The following TGFBR2 variants were observed in gnomAD, a reference collection of about 807,000 sequenced individuals.
TGFBR2 encodes the protein transforming growth factor beta receptor 2.
A neutral mutation model predicts 49.0 loss-of-function variants in TGFBR2; 18 were observed. That is an observed-to-expected ratio of 0.37 (90% CI 0.25 to 0.54). The LOEUF is 0.54. TGFBR2 is among the 20% of genes least tolerant of loss of function. The pLI is 0.85. For synonymous variants in TGFBR2, 282 were observed against 275.9 expected, an observed-to-expected ratio of 1.02 and a Z score of -0.22; for missense variants, 525 against 722.6, an observed-to-expected ratio of 0.73 and a Z score of 3.13.
chr3:30,661,101 C>G (rs956011978), intron 3 of TGFBR2, among the ~76,000 whole-genome samples: 1 of 152,174 alleles, frequency 6.6e-6, no homozygotes, highest in Admixed American at 6.5e-5. Flanking sequence ...TTTCAGGTTT[C>G]CTGAGAACAT....
At chr3:30,652,002 C>G (rs190180628) in intron 3 of TGFBR2, among the ~76,000 whole-genome samples, 2 of 152,178 alleles carry the variant, frequency 1.3e-5, no homozygotes, top group Non-Finnish European at 2.9e-5. Context: ...CCTCGTGTTT[C>G]GTGTTTGGTG....
chr3:30,641,013 T>A (rs1211877523), intron 1 of TGFBR2, among the ~76,000 whole-genome samples: 1 of 152,144 alleles, frequency 6.6e-6, no homozygotes, highest in Non-Finnish European at 1.5e-5. Context: ...TGGTTTGGAG[T>A]GCACAGATGC....
intron 5 of TGFBR2, among the ~76,000 whole-genome samples, chr3:30,685,284 G>A (rs927711463): frequency 2.0e-5 from 3 of 152,232 alleles, no homozygotes; most frequent in Non-Finnish European, 4.4e-5. Context: ...TCCTGGTTTA[G>A]TAATTTCACC....
intron 1 of TGFBR2, among the ~76,000 whole-genome samples, chr3:30,608,835 T>G (rs6770038): frequency 6.6e-6 from 1 of 152,050 alleles, no homozygotes; most frequent in Non-Finnish European, 1.5e-5. Context: ...CCTCCAGACT[T>G]TTAAAACCTA....
At chr3:30,646,194 G>A (rs1042365865) in intron 2 of TGFBR2, among the ~76,000 whole-genome samples, 45 of 152,272 alleles carry the variant, frequency 3.0e-4, no homozygotes, top group African/African-American at 1.1e-3. Flanking sequence ...TGATAGATCT[G>A]GAAACCTTGC....
chr3:30,671,634 T>C lies in TGFBR2; in HGVS notation c.455-4T>C, dbSNP rs11466512. 6 of 1,613,872 alleles carry C rather than the reference T, an allele frequency of 3.7e-6. No individual in the cohort carries two copies. Among genetic ancestry groups the C allele is most frequent in the Non-Finnish European group, 5.1e-6 (6 of 1,179,942 alleles). On this transcript the variant is annotated splice_region_variant and splice_polypyrimidine_tract_variant and intron_variant, in intron 3 of 6. Transcript: ENST00000295754. Reference sequence around the variant, plus strand: ...CTTCTCTCCTTGTTTTGTTTCCCCATCAGAATATAACACCAGCAATCCTGA... The same window carrying C: ...CTTCTCTCCTTGTTTTGTTTCCCCACCAGAATATAACACCAGCAATCCTGA...
At chr3:30,638,430 T>C (rs1307488533) in intron 1 of TGFBR2, among the ~76,000 whole-genome samples, 2 of 152,134 alleles carry the variant, frequency 1.3e-5, no homozygotes, top group Non-Finnish European at 2.9e-5. Context: ...CACGCCATAG[T>C]CTCCCTGTTA....
intron 6 of TGFBR2, among the ~76,000 whole-genome samples, chr3:30,689,373 C>T (rs973368555): frequency 6.6e-6 from 1 of 152,218 alleles, no homozygotes; most frequent in African/African-American, 2.4e-5. Context: ...CCCTATCTCA[C>T]TGAGAAGACT....
intron 5 of TGFBR2, among the ~76,000 whole-genome samples, chr3:30,685,971 T>A (rs1699613403): frequency 6.6e-6 from 1 of 152,200 alleles, no homozygotes; most frequent in South Asian, 2.1e-4. Context: ...AGTACATATA[T>A]CTCAAGGTAT....
intron 1 of TGFBR2, among the ~76,000 whole-genome samples, chr3:30,641,759 G>T (rs1370105644): frequency 6.6e-6 from 1 of 151,892 alleles, no homozygotes; most frequent in Non-Finnish European, 1.5e-5. Flanking sequence ...CAATGGAAAG[G>T]CTTTCTCTTG....
chr3:30,624,335 T>C (rs1449902083), intron 1 of TGFBR2, among the ~76,000 whole-genome samples: 3 of 152,140 alleles, frequency 2.0e-5, no homozygotes, highest in African/African-American at 7.2e-5. Flanking sequence ...ATCACTTTGA[T>C]GGCCAGGCAC....
chr3:30,663,283 A>G (rs900548516), intron 3 of TGFBR2, among the ~76,000 whole-genome samples: 2 of 77,178 alleles, frequency 2.6e-5, no homozygotes, highest in Non-Finnish European at 6.1e-5. Flanking sequence ...GATTTCTTCA[A>G]GGTTAATGGG....
chr3:30,684,216 A>G (rs1186613324), intron 5 of TGFBR2, among the ~76,000 whole-genome samples: 1 of 152,144 alleles, frequency 6.6e-6, no homozygotes, highest in African/African-American at 2.4e-5. Context: ...GCACATGTAT[A>G]CACACTGCCA....
chr3:30,649,816 C>G (rs1698845933), intron 2 of TGFBR2, among the ~76,000 whole-genome samples: 1 of 152,072 alleles, frequency 6.6e-6, no homozygotes, highest in South Asian at 2.1e-4. Context: ...TCTTTGAAAA[C>G]AGTATAGCTA....
chr3:30,670,398 A>G (rs542979190), intron 3 of TGFBR2, among the ~76,000 whole-genome samples: 1 of 152,336 alleles, frequency 6.6e-6, no homozygotes, highest in South Asian at 2.1e-4. Flanking sequence ...CATGCCCATC[A>G]TAGACACTCA....
At chr3:30,614,261 G>C (rs1391864945) in intron 1 of TGFBR2, among the ~76,000 whole-genome samples, 1 of 151,516 alleles carries the variant, frequency 6.6e-6, no homozygotes, top group Non-Finnish European at 1.5e-5. Flanking sequence ...AAAAAGGCTT[G>C]GTTCTTCTCA....
chr3:30,683,375 A>G (rs1287105879), intron 5 of TGFBR2, among the ~76,000 whole-genome samples: 1 of 152,208 alleles, frequency 6.6e-6, no homozygotes, highest in Non-Finnish European at 1.5e-5. Context: ...ATGTTGCCAC[A>G]ACACTCAAGT....
rs185502982 is a variant in TGFBR2, at chr3:30,688,439, C to T, written c.1452C>T (p.Val484=). 10 of 1,614,172 alleles carry T rather than the reference C, an allele frequency of 6.2e-6. No individual in the cohort carries two copies. In the African/African-American group the frequency reaches 6.7e-5, roughly 11 times the overall value. ...FGSKVREHPC[V]ESMKDNVLRD... The stretch of plus-strand genomic sequence containing the variant: ...CCAAGGTGCGGGAGCACCCCTGTGT[C>T]GAAAGCATGAAGGACAACGTGTTGA... Residue 484 remains valine, a synonymous_variant, in exon 6 of 7, where the codon GTC becomes GTT. Transcript: ENST00000295754.
Position 30,672,522 on chromosome 3 carries a change from C to A in TGFBR2, c.1254+85C>A. Reference sequence around the variant, plus strand: ...GATCCATATCTCCTGGCTCTTATCTCAAACAGCCCTGTACTCTGGACACTG... The same window carrying A: ...GATCCATATCTCCTGGCTCTTATCTAAAACAGCCCTGTACTCTGGACACTG... On this transcript the variant is annotated intron_variant, in intron 4 of 6. Transcript: ENST00000295754. The surrounding 1 kb of genome is among the most constrained non-coding windows in gnomAD (Gnocchi z 4.5). 2 of 1,416,510 alleles carry A rather than the reference C, an allele frequency of 1.4e-6. No individual in the cohort carries two copies. Among genetic ancestry groups the A allele is most frequent in the South Asian group, 1.2e-5 (1 of 86,526 alleles). 87.7% of individuals were successfully genotyped at this position (1,416,510 alleles called of 1,614,324 possible).
Sources: allele counts gnomAD v4.1 joint callset (sites outside exome capture counted in the v4.1 genomes callset), GRCh38; gene constraint gnomAD v4.1.1; non-coding constraint Gnocchi (gnomAD v3.1); transcripts MANE v1.5; gene names NCBI Gene and HGNC (gene_info 2026-07-23, HGNC 2026-07-21).